Variants in CPS1 observed in about 807,000 individuals in gnomAD.
CPS1 encodes carbamoyl-phosphate synthase [ammonia], mitochondrial.
In CPS1, 109 loss-of-function variants were observed where a neutral mutation model predicts 174.6. The observed-to-expected ratio is 0.62, with a 90% CI of 0.53 to 0.73. The LOEUF (loss-of-function observed/expected upper bound fraction) is 0.73. Among genes scored for constraint, CPS1 ranks in the 30% least tolerant of loss-of-function variants. CPS1 has a pLI of 0.00. For missense variants in CPS1, 1,689 were observed against 1,821.9 expected (o/e 0.93, Z 1.33); for synonymous variants, 637 against 632.0 (o/e 1.01, Z -0.12).
intron 1 of CPS1, among the ~76,000 whole-genome samples, chr2:210,513,232 T>G (rs1431797430): frequency 6.6e-6 from 1 of 150,414 alleles, no homozygotes; most frequent in Non-Finnish European, 1.5e-5. Flanking sequence ...AGTTCTGCTT[T>G]GAGTTCTTTG....
At chr2:210,644,441 A>G (rs1700315598) in intron 25 of CPS1, among the ~76,000 whole-genome samples, 1 of 152,126 alleles carries the variant, frequency 6.6e-6, no homozygotes, top group South Asian at 2.1e-4. Flanking sequence ...ATTTGGTTTA[A>G]TTGTAATTAA....
intron 1 of CPS1, among the ~76,000 whole-genome samples, chr2:210,572,137 C>A (rs556816502): frequency 6.6e-6 from 1 of 151,878 alleles, no homozygotes; most frequent in Non-Finnish European, 1.5e-5. Context: ...ATCCCCCTGA[C>A]TGCTGATTAC....
chr2:210,573,271 C>G, intron 1 of CPS1, 27 bp from the exon 2 acceptor site: 1 of 1,570,402 alleles, frequency 6.4e-7, no homozygotes, highest in Non-Finnish European at 8.8e-7. Flanking sequence ...ATGTATTCTG[C>G]TAAGATTCAT....
intron 1 of CPS1, among the ~76,000 whole-genome samples, chr2:210,478,371 T>C (rs1008907308): frequency 6.6e-6 from 1 of 152,246 alleles, no homozygotes; most frequent in African/African-American, 2.4e-5. Context: ...TTTCTGTGGC[T>C]AATGGTGTTG....
intron 1 of CPS1, among the ~76,000 whole-genome samples, chr2:210,526,914 G>C (rs190261186): frequency 3.4e-4 from 52 of 151,960 alleles, no homozygotes; most frequent in Admixed American, 9.2e-4. Context: ...ATTTATCTAT[G>C]ACATTTCTAT....
chr2:210,545,799 G>GA (rs139259050), intron 1 of CPS1, among the ~76,000 whole-genome samples: 393 of 152,010 alleles, frequency 2.6e-3, no homozygotes, highest in African/African-American at 9.2e-3. Context: ...TATTGGCTGG[G>GA]AAAAAAAGTG....
upstream of CPS1, among the ~76,000 whole-genome samples, chr2:210,554,171 GTA>G (rs1696819937): frequency 1.1e-5 from 1 of 91,438 alleles, no homozygotes; most frequent in Non-Finnish European, 2.3e-5. Context: ...ATATACATAT[GTA>G]TGTATATATA....
intron 33 of CPS1, among the ~76,000 whole-genome samples, chr2:210,666,382 TG>T (rs1376150990): frequency 6.6e-6 from 1 of 151,414 alleles, no homozygotes; most frequent in African/African-American, 2.4e-5. Context: ...TTTGGTGTTT[TG>T]GACATGAAGT....
In CPS1 at chr2:210,631,020, G is replaced by GT. The variant is rs34869171; in HGVS notation, c.2688-6666dup. Among the ~76,000 whole-genome samples the GT allele has an allele frequency of 9.0e-3, 1,271 of 141,682 alleles. 9 individuals carry two copies. Among genetic ancestry groups the GT allele is most frequent in the African/African-American group, 0.028 (1,039 of 37,632 alleles). 92.9% of individuals were successfully genotyped at this position (141,682 alleles called of 152,430 possible). ...TTAGTTTTTTTCTGCCTTTTGGAGT[G>GT]TTTTTTTTTTTTTTTTAAAGAGGAT... On this transcript the variant is annotated intron_variant, in intron 21 of 37. Transcript: ENST00000233072.
rs770681923 is a variant in CPS1 at position 210,576,346 on chromosome 2, G to C, written c.237G>C (p.Gly79=). Reference sequence around the variant, plus strand: ...ATAATTTTTTGGCATGTTTACCCAGGTACCCAGAAGCTATTACTGACCCTG... The same window carrying C: ...ATAATTTTTTGGCATGTTTACCCAGCTACCCAGAAGCTATTACTGACCCTG... ...GEVVFNTGLG[G]YPEAITDPAY... The change falls in exon 3 of 38, where the codon GGG becomes GGC. Residue 79 remains glycine, a splice_region_variant and synonymous_variant. Transcript: ENST00000233072. 6.2e-7 allele frequency: 1 copy of C among 1,613,460 alleles called. No individual in the cohort carries two copies. Among genetic ancestry groups the C allele is most frequent in the Non-Finnish European group, 8.5e-7 (1 of 1,179,558 alleles).
intron 5 of CPS1, among the ~76,000 whole-genome samples, chr2:210,581,492 G>C (rs778957701): frequency 6.6e-6 from 1 of 152,092 alleles, no homozygotes; most frequent in African/African-American, 2.4e-5. Flanking sequence ...TGAAAAGTAA[G>C]ATCGTATTTC....
At position 210,483,300 on chromosome 2, in the gene CPS1, A is replaced by T. The variant is rs149882261; in HGVS notation, c.3+5534A>T. Among the ~76,000 whole-genome samples the T allele has an allele frequency of 8.9e-3, 1,354 of 152,286 alleles. 7 individuals carry two copies. The highest frequency in any genetic ancestry group is 0.031 in the Middle Eastern group (9 of 294). On this transcript the variant is annotated intron_variant, in intron 1 of 38. Transcript: ENST00000430249. ...GAGGTTAATCCACATCCCCTTCCTAATAACAGCATCTACTGTTTTCAAGAC... is the reference window on the plus strand; with the variant it reads ...GAGGTTAATCCACATCCCCTTCCTATTAACAGCATCTACTGTTTTCAAGAC...
At chr2:210,496,858 T>C (rs1450354698) in intron 1 of CPS1, among the ~76,000 whole-genome samples, 1 of 152,226 alleles carries the variant, frequency 6.6e-6, no homozygotes, top group Non-Finnish European at 1.5e-5. Flanking sequence ...AAACTTCTTA[T>C]ACTTTTTCTT....
At chr2:210,631,973 G>C (rs1699884937) in intron 21 of CPS1, among the ~76,000 whole-genome samples, 1 of 152,078 alleles carries the variant, frequency 6.6e-6, no homozygotes, top group Non-Finnish European at 1.5e-5. Context: ...ATTTCTAGCT[G>C]GGCATAAAGC....
intron 25 of CPS1, among the ~76,000 whole-genome samples, chr2:210,644,453 T>C (rs1700315670): frequency 6.6e-6 from 1 of 152,122 alleles, no homozygotes; most frequent in African/African-American, 2.4e-5. Flanking sequence ...TGTAATTAAA[T>C]GTAATCCTAA....
At chr2:210,663,817 C>T (rs548284235) in intron 33 of CPS1, among the ~76,000 whole-genome samples, 5 of 152,142 alleles carry the variant, frequency 3.3e-5, no homozygotes, top group African/African-American at 1.2e-4. Context: ...AAGTTCTCTC[C>T]ATGTCAGTGT....
intron 1 of CPS1, among the ~76,000 whole-genome samples, chr2:210,542,002 A>G (rs1440148256): frequency 6.6e-6 from 1 of 152,028 alleles, no homozygotes; most frequent in Non-Finnish European, 1.5e-5. Flanking sequence ...AAATTCCAGC[A>G]TCCTTTTCCC....
chr2:210,570,907 T>G (rs550158502), intron 1 of CPS1, among the ~76,000 whole-genome samples: 68 of 152,064 alleles, frequency 4.5e-4, no homozygotes, highest in Non-Finnish European at 1.9e-4. Context: ...TTGCATAGCT[T>G]ATAATAATCT....
chr2:210,597,300 G>C (rs1698519105), intron 13 of CPS1, among the ~76,000 whole-genome samples: 1 of 151,766 alleles, frequency 6.6e-6, no homozygotes, highest in Non-Finnish European at 1.5e-5. Flanking sequence ...AAAATCTTGA[G>C]AGATGACTCG....
Sources: allele counts gnomAD v4.1 joint callset (sites outside exome capture counted in the v4.1 genomes callset), GRCh38; gene constraint gnomAD v4.1.1; transcripts MANE v1.5; gene names NCBI Gene and HGNC (gene_info 2026-07-23, HGNC 2026-07-21).